CNTLN: variants seen among roughly 807,000 people sequenced by gnomAD.
CNTLN encodes centlein.
Under a neutral mutation model 180.0 loss-of-function variants are expected in CNTLN, and 212 were observed. That is an observed-to-expected ratio of 1.18 (90% CI 1.05 to 1.32). The LOEUF (loss-of-function observed/expected upper bound fraction) is 1.32. CNTLN is among the 40% of genes most tolerant of loss of function. The probability of loss-of-function intolerance (pLI) is 0.00; values close to 1 mark genes in which losing one functional copy is unlikely to be tolerated. For synonymous variants in CNTLN, 722 were observed against 563.1 expected (o/e 1.28, Z -3.99); for missense variants, 2,095 against 1,610.9 (o/e 1.30, Z -5.14).
At chr9:17,356,162 A>T (rs556991115) in intron 12 of CNTLN, among the ~76,000 whole-genome samples, 1 of 152,286 alleles carries the variant, frequency 6.6e-6, no homozygotes, top group East Asian at 1.9e-4. Flanking sequence ...GTCAGAGATA[A>T]TAGTTTAATC....
At chr9:17,314,471 C>A (rs760745603) in intron 8 of CNTLN, among the ~76,000 whole-genome samples, 1 of 152,154 alleles carries the variant, frequency 6.6e-6, no homozygotes, top group African/African-American at 2.4e-5. Flanking sequence ...CAGTGAATTG[C>A]TTTTCGGTTA....
intron 2 of CNTLN, among the ~76,000 whole-genome samples, chr9:17,198,011 A>G (rs1045942536): frequency 6.6e-6 from 1 of 152,040 alleles, no homozygotes; most frequent in East Asian, 1.9e-4. Context: ...CCCAATGTAT[A>G]TTCTTGGTGT....
chr9:17,349,572 A>G (rs1460304780), intron 12 of CNTLN, among the ~76,000 whole-genome samples: 1 of 152,172 alleles, frequency 6.6e-6, no homozygotes, highest in Admixed American at 6.5e-5. Context: ...GCTACCACTG[A>G]CTGAAATTAT....
chr9:17,227,102 C>A (rs77182784), intron 3 of CNTLN, among the ~76,000 whole-genome samples: 1 of 151,702 alleles, frequency 6.6e-6, no homozygotes, highest in East Asian at 2.0e-4. Context: ...CACTTTTAAA[C>A]AACGAGAGCT....
chr9:17,353,242 G>A (rs1390502767), intron 12 of CNTLN, among the ~76,000 whole-genome samples: 7 of 150,220 alleles, frequency 4.7e-5, no homozygotes, highest in Admixed American at 1.3e-4. Flanking sequence ...AGGCATGAGC[G>A]ATAGTACCCT....
intron 25 of CNTLN, among the ~76,000 whole-genome samples, chr9:17,496,688 C>G (rs1833473644): frequency 6.6e-6 from 1 of 152,186 alleles, no homozygotes; most frequent in African/African-American, 2.4e-5. Context: ...GGTATTCACA[C>G]CTAGTCCTAT....
chr9:17,338,917 A>T (rs1821262288), intron 10 of CNTLN, among the ~76,000 whole-genome samples: 1 of 152,220 alleles, frequency 6.6e-6, no homozygotes, highest in South Asian at 2.1e-4. Context: ...TAGACTCTTC[A>T]TGTATGGTTC....
rs202037155 is a variant in CNTLN at position 17,254,742 on chromosome 9, G to GTTT, written c.849+18157_849+18159dup. The stretch of plus-strand genomic sequence containing the variant: ...GAAATATGAGTTCTCCAATATTGTT[G>GTTT]TTTTTCAGAATTGCTGTGGCTGTTT... On this transcript the variant is annotated intron_variant, in intron 5 of 25. Coordinates refer to ENST00000380647, the MANE Select transcript of CNTLN (RefSeq NM_017738.4). Among the ~76,000 whole-genome samples, 166 of 151,480 alleles carry GTTT rather than the reference G, an allele frequency of 1.1e-3. 4 individuals are homozygous for GTTT. Among genetic ancestry groups the GTTT allele is most frequent in the Admixed American group, 9.6e-3 (146 of 15,164 alleles).
chr9:17,378,692 C>T (rs1450891170), intron 13 of CNTLN, among the ~76,000 whole-genome samples: 2 of 152,036 alleles, frequency 1.3e-5, no homozygotes, highest in African/African-American at 2.4e-5. Flanking sequence ...GATTCAAAAT[C>T]GGTATTTTGT....
chr9:17,387,299 C>T (rs1564058530), intron 13 of CNTLN, among the ~76,000 whole-genome samples: 1 of 152,004 alleles, frequency 6.6e-6, no homozygotes, highest in Non-Finnish European at 1.5e-5. Context: ...AGATATATAT[C>T]CTTTTAGTTT....
At chr9:17,405,981 G>A (rs955360230) in intron 15 of CNTLN, among the ~76,000 whole-genome samples, 1 of 151,504 alleles carries the variant, frequency 6.6e-6, no homozygotes, top group East Asian at 1.9e-4. Flanking sequence ...CTCCATGTTG[G>A]TCAGGCTCTG....
intron 6 of CNTLN, among the ~76,000 whole-genome samples, chr9:17,283,004 T>G (rs1262114850): frequency 6.6e-6 from 1 of 152,212 alleles, no homozygotes; most frequent in Non-Finnish European, 1.5e-5. Context: ...TGTAGTATCG[T>G]TTGAAGTCCG....
At chr9:17,421,458 C>T (rs769367373) in intron 18 of CNTLN, among the ~76,000 whole-genome samples, 2 of 151,942 alleles carry the variant, frequency 1.3e-5, no homozygotes, top group African/African-American at 2.4e-5. Context: ...CCATGTGCAT[C>T]TTTATAGGTG....
At chr9:17,210,184 G>A (rs1823193236) in intron 2 of CNTLN, among the ~76,000 whole-genome samples, 1 of 152,078 alleles carries the variant, frequency 6.6e-6, no homozygotes, top group Non-Finnish European at 1.5e-5. Context: ...ATTTACATTA[G>A]GTATATCACC....
At chr9:17,150,923 G>A (rs1818823208) in intron 2 of CNTLN, among the ~76,000 whole-genome samples, 1 of 152,126 alleles carries the variant, frequency 6.6e-6, no homozygotes, top group African/African-American at 2.4e-5. Context: ...TTGTGAATGG[G>A]AGTTCACTCA....
chr9:17,255,553 T>A (rs1245814458), intron 5 of CNTLN, among the ~76,000 whole-genome samples: 1 of 151,854 alleles, frequency 6.6e-6, no homozygotes, highest in Non-Finnish European at 1.5e-5. Flanking sequence ...TTGGTCATGT[T>A]ATGTAACCTT....
At chr9:17,363,561 TTAAA>T (rs550095836) in intron 12 of CNTLN, among the ~76,000 whole-genome samples, 32 of 151,722 alleles carry the variant, frequency 2.1e-4, no homozygotes, top group African/African-American at 6.5e-4. Flanking sequence ...TTTTTATTCT[TTAAA>T]TAATTATTCT....
intron 16 of CNTLN, 76 bp downstream of exon 16, chr9:17,409,549 A>G: frequency 9.4e-7 from 1 of 1,058,750 alleles, no homozygotes; most frequent in East Asian, 2.5e-5. Context: ...AAGTAAATAA[A>G]TGTTACTACT....
intron 6 of CNTLN, among the ~76,000 whole-genome samples, chr9:17,290,714 C>T (rs892960686): frequency 3.3e-5 from 5 of 151,496 alleles, no homozygotes; most frequent in African/African-American, 7.3e-5. Context: ...TCTCATGGTT[C>T]GCCGCTTTTT....
Sources: allele counts gnomAD v4.1 joint callset (sites outside exome capture counted in the v4.1 genomes callset), GRCh38; gene constraint gnomAD v4.1.1; transcripts MANE v1.5; gene names NCBI Gene and HGNC (gene_info 2026-07-23, HGNC 2026-07-21).